Variants in NEK5 observed in about 807,000 individuals in gnomAD.
NEK5 encodes the protein NIMA related kinase 5.
In NEK5, 88 loss-of-function variants were observed where a neutral mutation model predicts 109.2. The ratio of observed to expected loss-of-function variants is 0.81; its 90% CI spans 0.68 to 0.96. The LOEUF is 0.96. NEK5 is among the 40% of genes least tolerant of loss of function. The pLI, the probability that NEK5 is intolerant of heterozygous loss-of-function variation, is 0.00. For synonymous variants in NEK5, 283 were observed against 299.9 expected (o/e 0.94, Z 0.58); for missense variants, 834 against 920.7 (o/e 0.91, Z 1.22).
intron 20 of NEK5, among the ~76,000 whole-genome samples, chr13:52,069,565 C>G (rs182351156): frequency 6.6e-6 from 1 of 152,310 alleles, no homozygotes; most frequent in East Asian, 1.9e-4. Flanking sequence ...AGACCTAAAT[C>G]TCAACATGTT....
intron 4 of NEK5, among the ~76,000 whole-genome samples, chr13:52,118,983 G>A (rs1225965982): frequency 6.6e-6 from 1 of 152,200 alleles, no homozygotes; most frequent in African/African-American, 2.4e-5. Context: ...ACCACAGCTA[G>A]CATGTAATGT....
At position 52,034,182 on chromosome 13, in the gene NEK5, A is replaced by T. The variant is rs1262248434; in HGVS notation, c.*2766T>A. ...AGCAAGACACTGATTTTTCTAATAA[A>T]AAAATTTTTAATGCATACAGGTCTG... On this transcript the variant is annotated 3_prime_UTR_variant, in exon 24 of 24. Transcript: ENST00000684899. The T allele has an allele frequency of 1.3e-5, 2 of 152,240 alleles. No homozygotes were observed. The highest frequency in any genetic ancestry group is 2.9e-5 in the Non-Finnish European group (2 of 68,034). The allele number at this position is 152,240 out of a possible 1,614,324, so 9.4% of individuals were successfully genotyped here.
chr13:52,076,558 T>C (rs1360549770), intron 17 of NEK5, among the ~76,000 whole-genome samples: 1 of 152,204 alleles, frequency 6.6e-6, no homozygotes, highest in Non-Finnish European at 1.5e-5. Context: ...AAACTAAAAG[T>C]GGATGACAAG....
chr13:52,090,292 T>C (rs1955251918), intron 13 of NEK5, among the ~76,000 whole-genome samples: 1 of 152,216 alleles, frequency 6.6e-6, no homozygotes, highest in South Asian at 2.1e-4. Flanking sequence ...AGACCATAAG[T>C]TTTTTGGAAT....
chr13:52,080,735 C>A (rs1225760926), intron 17 of NEK5, among the ~76,000 whole-genome samples: 36 of 151,984 alleles, frequency 2.4e-4, no homozygotes, highest in Non-Finnish European at 2.2e-4. Flanking sequence ...ATCTCAAGTA[C>A]CCAGGGACAC....
Position 52,034,859 on chromosome 13 carries a change from A to G in NEK5, c.*2089T>C, listed in dbSNP as rs1593910673. The G allele has an allele frequency of 7.3e-6, 1 of 137,132 alleles. No individual in the cohort carries two copies. The highest frequency in any genetic ancestry group is 2.4e-4 in the South Asian group (1 of 4,206). The allele number at this position is 137,132 out of a possible 1,614,324, so 8.5% of individuals were successfully genotyped here. ...ACCACACCTGGCGTGTTCATTTACC[A>G]TCCTTAAACATTCTTTTTTTTCTTT... On this transcript the variant is annotated 3_prime_UTR_variant, in exon 24 of 24. Coordinates refer to ENST00000684899, the MANE Select transcript of NEK5 (RefSeq NM_001365552.1).
At chr13:52,109,605 T>A (rs541350401) in intron 7 of NEK5, among the ~76,000 whole-genome samples, 1 of 152,230 alleles carries the variant, frequency 6.6e-6, no homozygotes, top group African/African-American at 2.4e-5. Context: ...CCTTTTTAAA[T>A]CCGATAAGAG....
intron 23 of NEK5, among the ~76,000 whole-genome samples, chr13:52,049,128 A>G (rs778673793): frequency 1.3e-5 from 2 of 152,206 alleles, no homozygotes; most frequent in Non-Finnish European, 2.9e-5. Flanking sequence ...TTGCCAATTA[A>G]AAATAATTTT....
At chr13:52,121,085 G>A (rs1159375532) in intron 3 of NEK5, among the ~76,000 whole-genome samples, 1 of 151,618 alleles carries the variant, frequency 6.6e-6, no homozygotes, top group Non-Finnish European at 1.5e-5. Flanking sequence ...TTCTGGGAAG[G>A]CAGTTTTACA....
At chr13:52,068,876 CAGG>C (rs1954735505) in intron 20 of NEK5, among the ~76,000 whole-genome samples, 1 of 151,594 alleles carries the variant, frequency 6.6e-6, no homozygotes, top group Non-Finnish European at 1.5e-5. Flanking sequence ...GAGGCTGAGG[CAGG>C]AGAATCGCTT....
chr13:52,072,804 G>A (rs1416675285), intron 19 of NEK5, among the ~76,000 whole-genome samples: 1 of 152,196 alleles, frequency 6.6e-6, no homozygotes, highest in Non-Finnish European at 1.5e-5. Context: ...AATAAAAACT[G>A]AGCATCAGGT....
At chr13:52,042,670 G>A (rs1354728375) in intron 23 of NEK5, among the ~76,000 whole-genome samples, 1 of 151,926 alleles carries the variant, frequency 6.6e-6, no homozygotes, top group Non-Finnish European at 1.5e-5. Context: ...GTTTTGTGGT[G>A]ATTAAAATTG....
At chr13:52,083,175 T>G in intron 17 of NEK5, 85 bp downstream of exon 17, 1 of 892,740 alleles carries the variant, frequency 1.1e-6, no homozygotes. Flanking sequence ...CCCTACGTGG[T>G]TCTGCTGCAC....
intron 22 of NEK5, among the ~76,000 whole-genome samples, chr13:52,055,450 A>G (rs1013239161): frequency 3.2e-4 from 49 of 152,202 alleles, no homozygotes; most frequent in Non-Finnish European, 3.7e-4. Context: ...TACAGAGAAC[A>G]CCACAAAGAT....
intron 21 of NEK5, 125 bp from the exon 22 acceptor site, chr13:52,062,078 G>A (rs529261907): frequency 6.5e-6 from 1 of 153,472 alleles, no homozygotes. Context: ...AAGAAGCCGA[G>A]ATATAGAAAA....
At chr13:52,085,186 C>G (rs147201995) in intron 16 of NEK5, among the ~76,000 whole-genome samples, 3 of 152,236 alleles carry the variant, frequency 2.0e-5, no homozygotes, top group Non-Finnish European at 4.4e-5. Flanking sequence ...GTAAGTCTCA[C>G]AAGATCTGAT....
intron 22 of NEK5, among the ~76,000 whole-genome samples, chr13:52,053,587 G>A (rs938545023): frequency 6.6e-6 from 1 of 152,020 alleles, no homozygotes; most frequent in African/African-American, 2.4e-5. Context: ...TGAATCTTGA[G>A]ACAATCCAGA....
At chr13:52,083,501 C>A in intron 16 of NEK5, 149 bp from the exon 17 acceptor site, 1 of 599,180 alleles carries the variant, frequency 1.7e-6, no homozygotes, top group Non-Finnish European at 3.0e-6. Context: ...TTTCCCAAAT[C>A]CTTCCTCCAT....
chr13:52,080,303 T>A (rs898455837), intron 17 of NEK5, among the ~76,000 whole-genome samples: 8 of 146,600 alleles, frequency 5.5e-5, no homozygotes, highest in African/African-American at 2.0e-4. Flanking sequence ...AGCCGCCTCG[T>A]CCGGGAGGTG....
Sources: gnomAD v4.1 joint callset for allele counts (sites outside exome capture counted in the v4.1 genomes callset) on GRCh38, gnomAD v4.1.1 for gene constraint, MANE v1.5 for transcripts, NCBI Gene and HGNC (gene_info 2026-07-23, HGNC 2026-07-21) for gene names.